UBE2Q2: variants seen among roughly 807,000 people sequenced by gnomAD.
UBE2Q2 encodes ubiquitin conjugating enzyme E2 Q2, also known as ubiquitin-conjugating enzyme E2 Q2.
In UBE2Q2, 54 loss-of-function variants were observed where a neutral mutation model predicts 59.9. The ratio of observed to expected loss-of-function variants is 0.90; its 90% CI spans 0.72 to 1.13. The LOEUF is 1.13. UBE2Q2 is among the 50% of genes most tolerant of loss of function. The pLI is 0.00. For missense variants in UBE2Q2, 433 were observed against 441.9 expected (o/e 0.98, Z 0.18); for synonymous variants, 165 against 155.2 (o/e 1.06, Z -0.47).
At chr15:75,859,468 T>C (rs1357503190) in intron 2 of UBE2Q2, among the ~76,000 whole-genome samples, 1 of 152,244 alleles carries the variant, frequency 6.6e-6, no homozygotes, top group Admixed American at 6.5e-5. Context: ...AATCCATCTG[T>C]AACAACACTG....
At chr15:75,858,127 C>A (rs141009912) in intron 2 of UBE2Q2, among the ~76,000 whole-genome samples, 125 of 152,262 alleles carry the variant, frequency 8.2e-4, no homozygotes, top group African/African-American at 3.0e-3. Flanking sequence ...TGGCCTACTT[C>A]TTCTCTTCTC....
chr15:75,870,868 G>A (rs558546492), intron 4 of UBE2Q2, among the ~76,000 whole-genome samples: 1 of 152,266 alleles, frequency 6.6e-6, no homozygotes, highest in African/African-American at 2.4e-5. Context: ...GGGGTGGGTT[G>A]CCCCTCCACA....
At chr15:75,867,253 C>T (rs1467632816) in intron 3 of UBE2Q2, among the ~76,000 whole-genome samples, 1 of 152,162 alleles carries the variant, frequency 6.6e-6, no homozygotes, top group Non-Finnish European at 1.5e-5. Flanking sequence ...TTTTGACACT[C>T]ATAGAGGCCA....
chr15:75,882,495 C>G (rs1198081599), intron 8 of UBE2Q2, among the ~76,000 whole-genome samples: 1 of 152,122 alleles, frequency 6.6e-6, no homozygotes, highest in Non-Finnish European at 1.5e-5. Flanking sequence ...TTTGTAGTCA[C>G]TCATTAGGGA....
rs538203988 is a variant in UBE2Q2 at position 75,875,897 on chromosome 15, C to G, written c.589-290C>G. Among the ~76,000 whole-genome samples, 15 of 143,890 alleles carry G rather than the reference C, an allele frequency of 1.0e-4. No homozygotes were observed. The East Asian group carries it at 3.0e-3, about 29-fold the overall frequency. The allele number at this position is 143,890 out of a possible 152,430, so 94.4% of individuals were successfully genotyped here. On this transcript the variant is annotated intron_variant, in intron 5 of 12. Transcript: ENST00000267938. ...CAACATGGTGAAATCCCGTCTCTAC[C>G]AAAAAAAAAAATACAAAATTTAGCT... is the stretch of plus-strand genomic sequence containing the variant.
intron 8 of UBE2Q2, among the ~76,000 whole-genome samples, chr15:75,880,924 T>C (rs1404872664): frequency 6.6e-6 from 1 of 152,238 alleles, no homozygotes; most frequent in African/African-American, 2.4e-5. Context: ...TTTTTATGTG[T>C]GTGTTTTTGC....
At position 75,859,854 on chromosome 15, in the gene UBE2Q2, T is replaced by G. The variant is rs752905633; in HGVS notation, c.283-24T>G. 6 of 1,544,600 alleles carry G rather than the reference T, an allele frequency of 3.9e-6. No homozygotes were observed. The Admixed American group carries it at 6.0e-5, about 16-fold the overall frequency. On this transcript the variant is annotated intron_variant, in intron 2 of 12. Coordinates refer to ENST00000267938, the MANE Select transcript of UBE2Q2 (RefSeq NM_173469.4). ...TCTAAGGGCTCTTTAACATAATGCT[T>G]ATTTACTGAAATGTGTTTTGTAGCT...
chr15:75,862,556 C>T (rs1002926374), intron 3 of UBE2Q2, among the ~76,000 whole-genome samples: 15 of 150,800 alleles, frequency 9.9e-5, no homozygotes, highest in African/African-American at 2.9e-4. Flanking sequence ...GTGGCTCACA[C>T]GTATAATCTG....
At chr15:75,877,836 T>G in intron 6 of UBE2Q2, 125 bp from the exon 7 acceptor site, 1 of 671,466 alleles carries the variant, frequency 1.5e-6, no homozygotes, top group Non-Finnish European at 2.5e-6. Flanking sequence ...CTATATAGCT[T>G]AGTTGTTCCA....
chr15:75,882,022 C>G (rs1898458266), intron 8 of UBE2Q2, among the ~76,000 whole-genome samples: 1 of 152,110 alleles, frequency 6.6e-6, no homozygotes, highest in Admixed American at 6.5e-5. Context: ...ATCTTGTCTT[C>G]AGCTATTTGA....
At chr15:75,877,754 A>G (rs955398634) in intron 6 of UBE2Q2, among the ~76,000 whole-genome samples, 14 of 152,288 alleles carry the variant, frequency 9.2e-5, no homozygotes, top group Non-Finnish European at 2.1e-4. Flanking sequence ...CTCATTAAAG[A>G]ATCTTCTCAG....
chr15:75,867,538 G>A (rs143154486), intron 3 of UBE2Q2, among the ~76,000 whole-genome samples: 13 of 152,140 alleles, frequency 8.5e-5, no homozygotes, highest in Non-Finnish European at 1.8e-4. Context: ...CATTTCAGTG[G>A]GGTTTTGAAA....
chr15:75,888,383 A>AT (rs1372452678), intron 9 of UBE2Q2, among the ~76,000 whole-genome samples: 1 of 152,176 alleles, frequency 6.6e-6, no homozygotes, highest in African/African-American at 2.4e-5. Context: ...TTTTACAGTG[A>AT]TTTTTAAATC....
At chr15:75,856,269 G>GTGTGTGTGTGTGTATATATATATA (rs1256142539) in intron 2 of UBE2Q2, among the ~76,000 whole-genome samples, 19 of 139,276 alleles carry the variant, frequency 1.4e-4, no homozygotes, top group African/African-American at 4.9e-4. Context: ...GTGTGTGTGT[G>GTGTGTGTGTGTGTATATATATATA]TATATATATA....
In UBE2Q2 at chr15:75,844,246, A is replaced by G. The variant is rs960024501; in HGVS notation, c.180+400A>G. The G allele has an allele frequency of 1.3e-5, 19 of 1,496,776 alleles. No individual in the cohort carries two copies. The Admixed American group carries it at 1.4e-4, about 11-fold the overall frequency. 92.7% of individuals were successfully genotyped at this position (1,496,776 alleles called of 1,614,324 possible). A position where few individuals can be genotyped will look rare whatever the true frequency, so the allele number is the denominator to read the frequency against. On this transcript the variant is annotated intron_variant, in intron 1 of 12. Transcript: ENST00000267938. ...GGCTGTTGTTTGAGCCCAGGCCGGC[A>G]AGGGGAACGGCCCTTAAGTTTTAAC...
intron 3 of UBE2Q2, among the ~76,000 whole-genome samples, chr15:75,862,170 C>T (rs943072104): frequency 6.6e-6 from 1 of 152,100 alleles, no homozygotes; most frequent in African/African-American, 2.4e-5. Context: ...CAGGGCCAAC[C>T]CAGACTCACT....
rs576673781 is a variant in UBE2Q2 at position 75,900,699 on chromosome 15, G to A, written c.*1241G>A. 1 of 152,694 alleles carries A rather than the reference G, an allele frequency of 6.5e-6. No homozygotes were observed. Among genetic ancestry groups the A allele is most frequent in the Non-Finnish European group, 1.5e-5 (1 of 68,022 alleles). 9.5% of individuals were successfully genotyped at this position (152,694 alleles called of 1,614,324 possible). On this transcript the variant is annotated 3_prime_UTR_variant, in exon 13 of 13. Coordinates refer to ENST00000267938, the MANE Select transcript of UBE2Q2 (RefSeq NM_173469.4). Reference sequence around the variant, plus strand: ...CTGAGAGACTTGTCATTTCTACATTGTGTGTGTTTAATTTCTTTTGATTCC... The same window carrying A: ...CTGAGAGACTTGTCATTTCTACATTATGTGTGTTTAATTTCTTTTGATTCC...
chr15:75,885,648 T>G (rs541403933), intron 9 of UBE2Q2, among the ~76,000 whole-genome samples: 2 of 152,334 alleles, frequency 1.3e-5, no homozygotes, highest in South Asian at 2.1e-4. Context: ...CCCATGTGTT[T>G]TCTGCTGCAG....
chr15:75,889,412 G>A (rs1313527811), intron 9 of UBE2Q2, among the ~76,000 whole-genome samples: 1 of 152,152 alleles, frequency 6.6e-6, no homozygotes, highest in Admixed American at 6.5e-5. Flanking sequence ...ATTAATGTTA[G>A]TGGTCTACAG....
Sources: gnomAD v4.1 joint callset for allele counts (sites outside exome capture counted in the v4.1 genomes callset) on GRCh38, gnomAD v4.1.1 for gene constraint, MANE v1.5 for transcripts, NCBI Gene and HGNC (gene_info 2026-07-23, HGNC 2026-07-21) for gene names.